Variants in TPRG1 observed in about 807,000 individuals in gnomAD.
TPRG1 encodes tumor protein p63 regulated 1.
A neutral mutation model predicts 29.3 loss-of-function variants in TPRG1; 29 were observed. That is an observed-to-expected ratio of 0.99 (90% CI 0.74 to 1.35). TPRG1 has a LOEUF of 1.35. Among genes scored for constraint, TPRG1 ranks in the 40% most tolerant of loss-of-function variants. The pLI, the probability that TPRG1 is intolerant of heterozygous loss-of-function variation, is 0.00. For missense variants in TPRG1, 327 were observed against 335.0 expected (o/e 0.98, Z 0.19); for synonymous variants, 130 against 116.8 (o/e 1.11, Z -0.73).
chr3:189,141,274 C>A (rs181109402), intron 3 of TPRG1, among the ~76,000 whole-genome samples: 4 of 152,184 alleles, frequency 2.6e-5, no homozygotes, highest in African/African-American at 9.7e-5. Flanking sequence ...TGCACTGTAT[C>A]TCACCGAAGA....
intron 4 of TPRG1, among the ~76,000 whole-genome samples, chr3:189,262,534 C>A (rs968155292): frequency 2.0e-5 from 3 of 152,016 alleles, no homozygotes; most frequent in African/African-American, 7.3e-5. Context: ...TTTCTGTTCT[C>A]ATGGAGCTGA....
chr3:189,120,509 G>A (rs564033969), intron 1 of TPRG1: 5 of 152,274 alleles, frequency 3.3e-5, no homozygotes, highest in Non-Finnish European at 5.9e-5. Flanking sequence ...GAATCTTTGG[G>A]TCAGTGGTTC....
intron 1 of TPRG1, among the ~76,000 whole-genome samples, chr3:189,106,300 T>G (rs1052881374): frequency 6.6e-6 from 1 of 152,112 alleles, no homozygotes; most frequent in Non-Finnish European, 1.5e-5. Flanking sequence ...TCCCCCACCC[T>G]GGGAATATTG....
intron 4 of TPRG1, among the ~76,000 whole-genome samples, chr3:189,082,043 T>C (rs770231606): frequency 6.6e-6 from 1 of 152,146 alleles, no homozygotes; most frequent in Admixed American, 6.5e-5. Context: ...GTGGACAACA[T>C]TGGACTTGTT....
intron 5 of TPRG1, among the ~76,000 whole-genome samples, chr3:189,163,522 G>A (rs1727754973): frequency 6.6e-6 from 1 of 152,154 alleles, no homozygotes; most frequent in African/African-American, 2.4e-5. Context: ...TTTGGTTATT[G>A]TGATGATTTA....
At chr3:189,238,938 T>C (rs749155331) in intron 4 of TPRG1, 29 bp downstream of exon 4, 1 of 1,563,954 alleles carries the variant, frequency 6.4e-7, no homozygotes, top group Non-Finnish European at 8.7e-7. Flanking sequence ...CTTGAAGAAG[T>C]GGTGCAGCAG....
intron 4 of TPRG1, among the ~76,000 whole-genome samples, chr3:189,079,833 A>G (rs1184132852): frequency 1.3e-5 from 2 of 152,218 alleles, no homozygotes; most frequent in African/African-American, 2.4e-5. Context: ...TAAATATGGA[A>G]CAGTAAGCAT....
At chr3:189,006,807 A>G (rs1396778709) in intron 3 of TPRG1, among the ~76,000 whole-genome samples, 1 of 152,144 alleles carries the variant, frequency 6.6e-6, no homozygotes, top group Non-Finnish European at 1.5e-5. Context: ...GTTTTTGTAA[A>G]TAAAGTTTTA....
At chr3:189,082,332 A>G (rs58204769) in intron 4 of TPRG1, among the ~76,000 whole-genome samples, 7,075 of 152,274 alleles carry the variant, frequency 0.046, 536 homozygotes, top group African/African-American at 0.16. Flanking sequence ...GGGAAGATTA[A>G]CCAAGAGGAC....
intron 4 of TPRG1, among the ~76,000 whole-genome samples, chr3:189,297,642 T>C (rs1052696857): frequency 2.6e-5 from 4 of 152,216 alleles, no homozygotes; most frequent in Non-Finnish European, 5.9e-5. Flanking sequence ...CATTAGAGTT[T>C]CTCAAGCATT....
intron 1 of TPRG1, among the ~76,000 whole-genome samples, chr3:189,103,014 G>A (rs1308264013): frequency 6.6e-6 from 1 of 152,062 alleles, no homozygotes; most frequent in African/African-American, 2.4e-5. Flanking sequence ...TGATGCCTGT[G>A]GTTTATTTTG....
chr3:189,262,532 C>A (rs1417538325), intron 4 of TPRG1, among the ~76,000 whole-genome samples: 2 of 152,018 alleles, frequency 1.3e-5, no homozygotes, highest in Non-Finnish European at 2.9e-5. Context: ...ATTTTCTGTT[C>A]TCATGGAGCT....
At chr3:189,313,484 A>AT (rs1398795253) in intron 5 of TPRG1, among the ~76,000 whole-genome samples, 3 of 152,212 alleles carry the variant, frequency 2.0e-5, no homozygotes, top group Admixed American at 1.3e-4. Flanking sequence ...AACTGAAGCA[A>AT]TTTAATTCAG....
intron 4 of TPRG1, among the ~76,000 whole-genome samples, chr3:189,301,930 G>T (rs1720907527): frequency 6.6e-6 from 1 of 152,110 alleles, no homozygotes; most frequent in South Asian, 2.1e-4. Flanking sequence ...ACCCTCCCCT[G>T]CAACCTCTAC....
intron 4 of TPRG1, among the ~76,000 whole-genome samples, chr3:189,282,709 C>A (rs1717374686): frequency 1.3e-5 from 2 of 152,172 alleles, no homozygotes; most frequent in African/African-American, 4.8e-5. Context: ...TTACTCTGAA[C>A]AAGGATACAC....
intron 2 of TPRG1, among the ~76,000 whole-genome samples, chr3:189,214,496 G>A (rs952503827): frequency 6.6e-5 from 10 of 152,160 alleles, no homozygotes; most frequent in African/African-American, 2.4e-4. Flanking sequence ...TCCTGCCAGT[G>A]GGGTCACTGG....
intron 4 of TPRG1, among the ~76,000 whole-genome samples, chr3:189,290,503 A>G (rs1718818752): frequency 6.6e-6 from 1 of 152,222 alleles, no homozygotes; most frequent in Non-Finnish European, 1.5e-5. Context: ...CTTTGTCTTA[A>G]CCCCTGTTAG....
At chr3:189,022,833 G>A (rs1229512717) in intron 3 of TPRG1, among the ~76,000 whole-genome samples, 1 of 152,364 alleles carries the variant, frequency 6.6e-6, no homozygotes, top group Admixed American at 6.5e-5. Flanking sequence ...CAGCCTCGCT[G>A]CCGCCTTGCA....
At chr3:189,124,039 G>A (rs1217867213) in intron 1 of TPRG1, among the ~76,000 whole-genome samples, 1 of 152,148 alleles carries the variant, frequency 6.6e-6, no homozygotes, top group Admixed American at 6.5e-5. Context: ...CGTTGTACGT[G>A]TTCTGATTAT....
Sources: gnomAD v4.1 joint callset for allele counts (sites outside exome capture counted in the v4.1 genomes callset) on GRCh38, gnomAD v4.1.1 for gene constraint, MANE v1.5 for transcripts, NCBI Gene and HGNC (gene_info 2026-07-23, HGNC 2026-07-21) for gene names.